The following ARHGAP6 variants were observed in gnomAD, a reference collection of about 807,000 sequenced individuals.
ARHGAP6 encodes the protein Rho GTPase activating protein 6, also known as rho GTPase-activating protein 6.
ARHGAP6 carries 16 observed loss-of-function variants against 55.7 expected under a neutral mutation model. The observed-to-expected ratio is 0.29, with a 90% CI of 0.19 to 0.44. The LOEUF is 0.44. Among genes scored for constraint, ARHGAP6 ranks in the 20% least tolerant of loss-of-function variants. The pLI is 1.00. For missense variants in ARHGAP6, 698 were observed against 808.9 expected (o/e 0.86, Z 1.66); for synonymous variants, 382 against 360.9 (o/e 1.06, Z -0.66).
chrX:11,638,158 T>C (rs1174619490), intron 1 of ARHGAP6, among the ~76,000 whole-genome samples: 1 of 111,218 alleles, frequency 9.0e-6, no homozygotes, highest in Non-Finnish European at 1.9e-5. Flanking sequence ...GTAGAAAAGG[T>C]TGTTCTCAGG....
At chrX:11,660,517 A>ACT (rs1200418138) in intron 1 of ARHGAP6, among the ~76,000 whole-genome samples, 2 of 78,731 alleles carry the variant, frequency 2.5e-5, no homozygotes, top group Non-Finnish European at 4.7e-5. Flanking sequence ...ACAGGGTGAG[A>ACT]CTCTCTCTCT....
At chrX:11,422,929 C>T (rs749407855) in intron 1 of ARHGAP6, among the ~76,000 whole-genome samples, 10 of 111,391 alleles carry the variant, frequency 9.0e-5, no homozygotes. Context: ...AAAGAGGCCT[C>T]ATCCAGGAAA....
chrX:11,535,066 C>T (rs1241749139), intron 1 of ARHGAP6, among the ~76,000 whole-genome samples: 1 of 111,517 alleles, frequency 9.0e-6, no homozygotes, highest in Non-Finnish European at 1.9e-5. Context: ...AATTTTTAAC[C>T]ACATACGGTA....
At chrX:11,292,967 T>G (rs1481481751) in intron 1 of ARHGAP6, among the ~76,000 whole-genome samples, 2 of 111,571 alleles carry the variant, frequency 1.8e-5, no homozygotes, top group African/African-American at 6.5e-5. Context: ...GCTTTGGGGT[T>G]TTACCCAAAT....
At chrX:11,318,967 T>G (rs1441283362) in intron 1 of ARHGAP6, among the ~76,000 whole-genome samples, 2 of 112,061 alleles carry the variant, frequency 1.8e-5, no homozygotes, top group Non-Finnish European at 3.8e-5. Flanking sequence ...TAAGTGAACC[T>G]AATGGAAAAT....
chrX:11,389,804 AAAT>A (rs2049379783), intron 1 of ARHGAP6, among the ~76,000 whole-genome samples: 1 of 111,706 alleles, frequency 9.0e-6, no homozygotes, highest in African/African-American at 3.3e-5. Context: ...ATACAGTGAG[AAAT>A]AATATCACCC....
chrX:11,205,413 G>T (rs2046691805), intron 2 of ARHGAP6, among the ~76,000 whole-genome samples: 1 of 111,474 alleles, frequency 9.0e-6, no homozygotes, highest in African/African-American at 3.3e-5. Context: ...CAGGGAGGGG[G>T]CACAAAGTTG....
intron 1 of ARHGAP6, among the ~76,000 whole-genome samples, chrX:11,486,394 C>T (rs1178146492): frequency 2.7e-5 from 3 of 112,114 alleles, no homozygotes; most frequent in South Asian, 3.7e-4. Context: ...CTTTTTCATT[C>T]GATGGATAAT....
chrX:11,178,169 G>A lies in ARHGAP6; in HGVS notation c.1560C>T (p.His520=), dbSNP rs2046259828. Residue 520 remains histidine, a synonymous_variant, in exon 8 of 13, where the codon CAC becomes CAT. Coordinates refer to ENST00000337414, the MANE Select transcript of ARHGAP6 (RefSeq NM_013427.3). ...CGATGGAGAGGAACTGTAGCAGGCG[G>A]TGGAGGGTGTCGCAGTTGCAGGGAG... ...LLPPCNCDTL[H]RLLQFLSIVA... 1 of 1,211,657 alleles carries A rather than the reference G, an allele frequency of 8.3e-7. No individual in the cohort carries two copies.
At chrX:11,551,441 G>A (rs899378616) in intron 1 of ARHGAP6, among the ~76,000 whole-genome samples, 8 of 111,147 alleles carry the variant, frequency 7.2e-5, no homozygotes, top group African/African-American at 2.6e-4. Context: ...TGATAAACCA[G>A]AGAACCCATT....
intron 1 of ARHGAP6, among the ~76,000 whole-genome samples, chrX:11,311,276 T>A (rs973441457): frequency 8.9e-6 from 1 of 112,199 alleles, no homozygotes. Context: ...GAGAAATACA[T>A]TACAGTTACT....
At chrX:11,195,987 A>AT (rs770765295) in intron 3 of ARHGAP6, among the ~76,000 whole-genome samples, 1 of 95,480 alleles carries the variant, frequency 1.0e-5, no homozygotes, top group Non-Finnish European at 2.1e-5. Flanking sequence ...AAAAAAAAAA[A>AT]GCCGGTTGTG....
At chrX:11,291,528 GA>G (rs760833895) in intron 1 of ARHGAP6, among the ~76,000 whole-genome samples, 169 of 107,185 alleles carry the variant, frequency 1.6e-3, no homozygotes, top group African/African-American at 4.9e-3. Context: ...CAACTTTGTA[GA>G]AAAAAAAAAT....
chrX:11,304,144 C>T (rs1331229780), intron 1 of ARHGAP6, among the ~76,000 whole-genome samples: 1 of 109,999 alleles, frequency 9.1e-6, no homozygotes, highest in Admixed American at 9.6e-5. Context: ...GGCTGGAGTG[C>T]AGTGGCATGA....
At chrX:11,350,500 A>G (rs1416988643) in intron 1 of ARHGAP6, among the ~76,000 whole-genome samples, 3 of 112,064 alleles carry the variant, frequency 2.7e-5, no homozygotes, top group African/African-American at 9.7e-5. Flanking sequence ...GTTTATGACT[A>G]TGTCCCAAAA....
In ARHGAP6 at chrX:11,434,914, T is replaced by C. The variant is rs971922854; in HGVS notation, c.589-180207A>G. Among the ~76,000 whole-genome samples the C allele has an allele frequency of 2.7e-5, 3 of 112,017 alleles. No individual in the cohort carries two copies. In the Admixed American group the frequency reaches 2.8e-4, roughly 11 times the overall value. ...GAACCAACAGTTTAGCAGGGCCTTC[T>C]TTGCCTTGCTGTGCAGTAAGAACCA... is the stretch of plus-strand genomic sequence containing the variant. On this transcript the variant is annotated intron_variant, in intron 1 of 12. Transcript: ENST00000337414.
chrX:11,205,120 G>A (rs1304003794), intron 2 of ARHGAP6, among the ~76,000 whole-genome samples: 1 of 111,662 alleles, frequency 9.0e-6, no homozygotes, highest in Non-Finnish European at 1.9e-5. Flanking sequence ...GTGTTTTGAT[G>A]ACCACCGTGA....
intron 1 of ARHGAP6, among the ~76,000 whole-genome samples, chrX:11,635,954 A>G (rs987545934): frequency 1.8e-5 from 2 of 111,879 alleles, no homozygotes; most frequent in Non-Finnish European, 3.8e-5. Flanking sequence ...CTTGAAATAT[A>G]TAAAACATCT....
chrX:11,527,065 A>G (rs1179031180), intron 1 of ARHGAP6, among the ~76,000 whole-genome samples: 1 of 78,057 alleles, frequency 1.3e-5, no homozygotes, highest in Non-Finnish European at 2.7e-5. Context: ...TGTGTCTTTT[A>G]GTCCATCTGC....
Sources: gnomAD v4.1 joint callset for allele counts (sites outside exome capture counted in the v4.1 genomes callset) on GRCh38, gnomAD v4.1.1 for gene constraint, MANE v1.5 for transcripts, NCBI Gene and HGNC (gene_info 2026-07-23, HGNC 2026-07-21) for gene names.